Variants in CCSER1 observed in about 807,000 individuals in gnomAD.
CCSER1 encodes serine-rich coiled-coil domain-containing protein 1.
Under a neutral mutation model 82.0 loss-of-function variants are expected in CCSER1, and 41 were observed. The observed-to-expected ratio is 0.50, with a 90% CI of 0.39 to 0.65. The LOEUF is 0.65. CCSER1 is among the 30% of genes least tolerant of loss of function. CCSER1 has a pLI of 0.00. For missense variants in CCSER1, 1,119 were observed against 1,064.2 expected (o/e 1.05, Z -0.72); for synonymous variants, 414 against 383.9 (o/e 1.08, Z -0.92).
chr4:91,124,680 T>C (rs892391051), intron 10 of CCSER1, among the ~76,000 whole-genome samples: 1 of 151,828 alleles, frequency 6.6e-6, no homozygotes, highest in Non-Finnish European at 1.5e-5. Flanking sequence ...CCATGTCTTA[T>C]TCATTTTTAT....
At chr4:90,296,405 T>G (rs1159228114) in intron 1 of CCSER1, among the ~76,000 whole-genome samples, 1 of 152,196 alleles carries the variant, frequency 6.6e-6, no homozygotes, top group African/African-American at 2.4e-5. Context: ...CTTTGCCAGA[T>G]GAGTAGGATG....
intron 5 of CCSER1, among the ~76,000 whole-genome samples, chr4:90,579,926 C>T (rs1427341046): frequency 6.6e-6 from 1 of 151,768 alleles, no homozygotes; most frequent in Non-Finnish European, 1.5e-5. Context: ...TATTATGTAG[C>T]TATTCTCTTA....
intron 9 of CCSER1, among the ~76,000 whole-genome samples, chr4:91,055,097 A>AT (rs995428147): frequency 2.6e-5 from 4 of 151,866 alleles, no homozygotes; most frequent in Non-Finnish European, 4.4e-5. Context: ...TGTTTAGCTG[A>AT]TTTTTTATAA....
At chr4:90,967,606 A>G (rs1241842258) in intron 9 of CCSER1, among the ~76,000 whole-genome samples, 1 of 152,092 alleles carries the variant, frequency 6.6e-6, no homozygotes, top group Non-Finnish European at 1.5e-5. Flanking sequence ...AAATTTTTAT[A>G]AAAAAATAAA....
chr4:91,442,776 G>A, intron 10 of CCSER1, among the ~76,000 whole-genome samples: 1 of 147,888 alleles, frequency 6.8e-6, no homozygotes, highest in Admixed American at 6.8e-5. Context: ...AAATTTACAA[G>A]AAAAAAACAA....
At chr4:91,411,522 AT>A (rs1753046289) in intron 10 of CCSER1, among the ~76,000 whole-genome samples, 1 of 124,642 alleles carries the variant, frequency 8.0e-6, no homozygotes, top group Non-Finnish European at 1.7e-5. Flanking sequence ...ATATATATAT[AT>A]ATAAAATCTT....
intron 10 of CCSER1, among the ~76,000 whole-genome samples, chr4:91,465,033 C>G (rs1175092865): frequency 6.6e-6 from 1 of 152,140 alleles, no homozygotes; most frequent in Non-Finnish European, 1.5e-5. Context: ...ACTCTCCACC[C>G]CAAATCAACA....
intron 5 of CCSER1, among the ~76,000 whole-genome samples, chr4:90,559,305 AT>A (rs760505627): frequency 6.6e-6 from 1 of 152,084 alleles, no homozygotes; most frequent in Non-Finnish European, 1.5e-5. Context: ...CTTAGGAGTA[AT>A]TTGGGGATCA....
At chr4:91,585,276 A>G (rs907547473) in intron 10 of CCSER1, among the ~76,000 whole-genome samples, 6 of 151,448 alleles carry the variant, frequency 4.0e-5, no homozygotes, top group Non-Finnish European at 3.0e-5. Context: ...TCCAAGATAT[A>G]GTCACTCTGA....
At chr4:90,253,748 C>T (rs1256430515) in intron 1 of CCSER1, among the ~76,000 whole-genome samples, 1 of 152,150 alleles carries the variant, frequency 6.6e-6, no homozygotes, top group Non-Finnish European at 1.5e-5. Context: ...CGTGGGCATG[C>T]ACACACTCTG....
chr4:90,872,476 C>A (rs183304173), intron 8 of CCSER1, among the ~76,000 whole-genome samples: 1 of 151,896 alleles, frequency 6.6e-6, no homozygotes, highest in Non-Finnish European at 1.5e-5. Flanking sequence ...AAATAGCAAG[C>A]AAGTCAATAT....
chr4:90,502,679 A>G (rs1421238517), intron 5 of CCSER1, among the ~76,000 whole-genome samples: 1 of 152,196 alleles, frequency 6.6e-6, no homozygotes, highest in Non-Finnish European at 1.5e-5. Flanking sequence ...GAAAAAAAAC[A>G]AGATCGAAGA....
intron 9 of CCSER1, among the ~76,000 whole-genome samples, chr4:90,986,992 G>C (rs571940119): frequency 6.6e-6 from 1 of 151,628 alleles, no homozygotes; most frequent in South Asian, 2.1e-4. Context: ...AAGGCAGATG[G>C]TCATAAGTGA....
intron 3 of CCSER1, among the ~76,000 whole-genome samples, chr4:90,368,747 T>A (rs553494789): frequency 1.1e-4 from 16 of 151,862 alleles, no homozygotes; most frequent in East Asian, 9.7e-4. Flanking sequence ...TTTATTTTTA[T>A]CCATAGCATC....
At chr4:90,865,581 G>C (rs1765633914) in intron 8 of CCSER1, among the ~76,000 whole-genome samples, 1 of 151,884 alleles carries the variant, frequency 6.6e-6, no homozygotes, top group African/African-American at 2.4e-5. Flanking sequence ...TCAGGCAACT[G>C]GTAGGCATAC....
intron 7 of CCSER1, among the ~76,000 whole-genome samples, chr4:90,738,441 G>A (rs1746011980): frequency 1.3e-5 from 2 of 152,052 alleles, no homozygotes. Context: ...AGAGATTCTT[G>A]TTGTTTTCTC....
At chr4:90,408,919 G>A (rs1188356244) in intron 4 of CCSER1, among the ~76,000 whole-genome samples, 9 of 152,196 alleles carry the variant, frequency 5.9e-5, no homozygotes, top group African/African-American at 2.2e-4. Flanking sequence ...AATAACCAAT[G>A]CAGAGAAGTC....
chr4:90,264,796 A>C (rs997754503), intron 1 of CCSER1, among the ~76,000 whole-genome samples: 7 of 152,044 alleles, frequency 4.6e-5, no homozygotes, highest in African/African-American at 1.4e-4. Context: ...TGTCTGGATT[A>C]TTAAGGTTAT....
At chr4:90,748,892 T>A (rs1349271899) in intron 7 of CCSER1, among the ~76,000 whole-genome samples, 2 of 150,908 alleles carry the variant, frequency 1.3e-5, no homozygotes, top group Non-Finnish European at 3.0e-5. Context: ...TTGTTTGTTT[T>A]TTTCTTGTAA....
Sources: allele counts gnomAD v4.1 joint callset (sites outside exome capture counted in the v4.1 genomes callset), GRCh38; gene constraint gnomAD v4.1.1; transcripts MANE v1.5; gene names NCBI Gene and HGNC (gene_info 2026-07-23, HGNC 2026-07-21).